MAOA: variants seen among roughly 807,000 people sequenced by gnomAD.
MAOA encodes the protein amine oxidase [flavin-containing] A.
In MAOA, 6 loss-of-function variants were observed where a neutral mutation model predicts 42.0. That is an observed-to-expected ratio of 0.14 (90% confidence interval 0.08 to 0.28). The LOEUF (loss-of-function observed/expected upper bound fraction) is 0.28. MAOA is among the 10% of genes least tolerant of loss of function. MAOA has a pLI of 1.00. For missense variants in MAOA, 262 were observed against 422.3 expected (o/e 0.62, Z 3.33); for synonymous variants, 140 against 154.0 (o/e 0.91, Z 0.67).
intron 10 of MAOA, among the ~76,000 whole-genome samples, chrX:43,738,399 A>C (rs187480784): frequency 2.7e-5 from 3 of 112,694 alleles, no homozygotes; most frequent in Admixed American, 1.9e-4. Flanking sequence ...TATGAAATAC[A>C]GTAAATAATG....
intron 1 of MAOA, among the ~76,000 whole-genome samples, chrX:43,675,207 A>T (rs1420153326): frequency 3.3e-4 from 37 of 111,334 alleles, no homozygotes; most frequent in African/African-American, 1.2e-3. Context: ...TCCATCACTG[A>T]TACCCTTTCT....
At chrX:43,676,859 G>C (rs991220933) in intron 1 of MAOA, among the ~76,000 whole-genome samples, 2 of 110,332 alleles carry the variant, frequency 1.8e-5, no homozygotes, top group Non-Finnish European at 3.8e-5. Context: ...GGGACAGAGT[G>C]TGACAGATGA....
chrX:43,666,049 G>A (rs1036938145), intron 1 of MAOA, among the ~76,000 whole-genome samples: 15 of 111,880 alleles, frequency 1.3e-4, no homozygotes, highest in Admixed American at 2.9e-4. Context: ...AGTTGCTTGA[G>A]ATAAATATAT....
At chrX:43,737,470 C>G (rs956295916) in intron 10 of MAOA, among the ~76,000 whole-genome samples, 1 of 111,889 alleles carries the variant, frequency 8.9e-6, no homozygotes, top group East Asian at 2.8e-4. Context: ...CCAACAGATT[C>G]AATTCAGTGT....
chrX:43,659,633 T>C (rs1365415929), intron 1 of MAOA, among the ~76,000 whole-genome samples: 1 of 110,980 alleles, frequency 9.0e-6, no homozygotes, highest in African/African-American at 3.3e-5. Context: ...TGAATCCTCT[T>C]CCTTCCCTGA....
chrX:43,695,195 T>C (rs2089988300), intron 3 of MAOA, among the ~76,000 whole-genome samples: 2 of 111,986 alleles, frequency 1.8e-5, no homozygotes, highest in Admixed American at 1.9e-4. Context: ...CCAATGTTTG[T>C]TTGTCCTCAC....
intron 9 of MAOA, 29 bp downstream of exon 9, chrX:43,732,824 T>C: frequency 9.6e-7 from 1 of 1,046,556 alleles, no homozygotes; most frequent in South Asian, 1.9e-5. Flanking sequence ...TTCTGCATTT[T>C]CCAAATTGTG....
chrX:43,688,697 A>G (rs2033509105), intron 2 of MAOA, among the ~76,000 whole-genome samples: 1 of 111,878 alleles, frequency 8.9e-6, no homozygotes, highest in Admixed American at 9.5e-5. Flanking sequence ...AGTGTTTTAT[A>G]TATGTCCACT....
At position 43,741,809 on chromosome X, in the gene MAOA, T is replaced by A. The variant is rs1214193693; in HGVS notation, c.1165-141T>A. On this transcript the variant is annotated intron_variant, in intron 11 of 14. Transcript: ENST00000338702. Reference sequence around the variant, plus strand: ...AAAAGGCCATTGCTTGGTACTATCATGTTTCCCCTTAAGTGAGTTAGAAAA... The same window carrying A: ...AAAAGGCCATTGCTTGGTACTATCAAGTTTCCCCTTAAGTGAGTTAGAAAA... 37 of 1,072,896 alleles carry A rather than the reference T, an allele frequency of 3.4e-5. No individual in the cohort carries two copies. In the East Asian group the frequency reaches 6.0e-4, roughly 17 times the overall value. 88.4% of individuals were successfully genotyped at this position (1,072,896 alleles called of 1,213,427 possible). A position where few individuals can be genotyped will look rare whatever the true frequency, so the allele number is the denominator to read the frequency against.
intron 11 of MAOA, 133 bp downstream of exon 11, chrX:43,740,871 A>G: frequency 1.8e-6 from 1 of 562,065 alleles, no homozygotes; most frequent in East Asian, 4.7e-5. Context: ...TGGAGGATAA[A>G]CTTCAGCAGT....
chrX:43,726,634 G>A (rs1023374548), intron 5 of MAOA, among the ~76,000 whole-genome samples: 3 of 111,770 alleles, frequency 2.7e-5, no homozygotes, highest in Non-Finnish European at 5.6e-5. Context: ...CCTTTAGCTC[G>A]GAGTAGTTTG....
intron 1 of MAOA, among the ~76,000 whole-genome samples, chrX:43,667,651 C>G (rs1389886940): frequency 9.0e-6 from 1 of 111,360 alleles, no homozygotes; most frequent in East Asian, 2.8e-4. Flanking sequence ...TACTAGTTTT[C>G]TCTTTGCAAA....
intron 1 of MAOA, among the ~76,000 whole-genome samples, chrX:43,674,543 A>G (rs1403763425): frequency 7.2e-5 from 8 of 110,502 alleles, no homozygotes; most frequent in South Asian, 3.9e-4. Context: ...TCCTAGTCTC[A>G]ATGGTCTTTA....
chrX:43,679,075 C>A (rs1202491016), intron 1 of MAOA, among the ~76,000 whole-genome samples: 1 of 111,562 alleles, frequency 9.0e-6, no homozygotes, highest in African/African-American at 3.3e-5. Flanking sequence ...TATCTGAAAT[C>A]CTTTTTAAAT....
Position 43,678,547 on chromosome X carries a change from C to T in MAOA, c.74-4966C>T, listed in dbSNP as rs767608287. On this transcript the variant is annotated intron_variant, in intron 1 of 14. Coordinates refer to ENST00000338702, the MANE Select transcript of MAOA (RefSeq NM_000240.4). ...ACAAAAAAATGCTCAATAAATATTT[C>T]GAAAGATTAGGTCAAAAGCCCTTAA... Among the ~76,000 whole-genome samples, 7 of 111,751 alleles carry T rather than the reference C, an allele frequency of 6.3e-5. No homozygotes were observed. In the East Asian group the frequency reaches 1.4e-3, roughly 22 times the overall value.
chrX:43,696,692 C>A (rs950080707), intron 3 of MAOA, among the ~76,000 whole-genome samples: 7 of 106,502 alleles, frequency 6.6e-5, no homozygotes, highest in Admixed American at 4.0e-4. Context: ...GCCACGATTG[C>A]GCCACTGCAC....
chrX:43,706,118 G>C (rs1004530116), intron 3 of MAOA, among the ~76,000 whole-genome samples: 10 of 111,843 alleles, frequency 8.9e-5, no homozygotes, highest in Non-Finnish European at 1.7e-4. Context: ...TTCTTCTCAG[G>C]GTAAAGAAAA....
At chrX:43,743,993 T>C (rs1367215571) in intron 13 of MAOA, 88 bp downstream of exon 13, 2 of 1,179,132 alleles carry the variant, frequency 1.7e-6, no homozygotes, top group African/African-American at 1.8e-5. Context: ...ACTGATAGAA[T>C]CTGTATGTCC....
intron 5 of MAOA, among the ~76,000 whole-genome samples, chrX:43,722,099 A>G (rs1352855060): frequency 8.9e-6 from 1 of 111,761 alleles, no homozygotes; most frequent in Non-Finnish European, 1.9e-5. Flanking sequence ...ATTGATGGGC[A>G]TTTGGGTTGG....
Sources: allele counts gnomAD v4.1 joint callset (sites outside exome capture counted in the v4.1 genomes callset), GRCh38; gene constraint gnomAD v4.1.1; transcripts MANE v1.5; gene names NCBI Gene and HGNC (gene_info 2026-07-23, HGNC 2026-07-21).